SIPA1L3: variants seen among roughly 807,000 people sequenced by gnomAD.
The protein encoded by SIPA1L3 is signal-induced proliferation-associated 1-like protein 3.
In SIPA1L3, 59 loss-of-function variants were observed where a neutral mutation model predicts 150.1. The observed-to-expected ratio is 0.39, with a 90% confidence interval of 0.32 to 0.49. The LOEUF (loss-of-function observed/expected upper bound fraction) is 0.49, where lower values mean the gene tolerates loss of function less well. Among genes scored for constraint, SIPA1L3 ranks in the 20% least tolerant of loss-of-function variants. The pLI is 0.86. For missense variants in SIPA1L3, 2,211 were observed against 2,489.5 expected (o/e 0.89, Z 2.38); for synonymous variants, 1,070 against 1,077.6 (o/e 0.99, Z 0.14).
intron 1 of SIPA1L3, among the ~76,000 whole-genome samples, chr19:38,011,629 A>G (rs1968100994): frequency 6.6e-6 from 1 of 152,232 alleles, no homozygotes; most frequent in African/African-American, 2.4e-5. Flanking sequence ...CCCCAGGGCA[A>G]GCATGAAATT....
chr19:38,036,076 G>C (rs766207551), intron 2 of SIPA1L3, among the ~76,000 whole-genome samples: 2 of 152,190 alleles, frequency 1.3e-5, no homozygotes, highest in Non-Finnish European at 2.9e-5. Context: ...CTGGCCTCCT[G>C]GTCCCCTTTC....
At chr19:38,071,301 T>G (rs1969719144) in intron 2 of SIPA1L3, among the ~76,000 whole-genome samples, 1 of 152,090 alleles carries the variant, frequency 6.6e-6, no homozygotes, top group Non-Finnish European at 1.5e-5. Flanking sequence ...TACCTATCTA[T>G]GTAGTGACAG....
At chr19:38,151,858 G>C (rs540012130) in intron 12 of SIPA1L3, among the ~76,000 whole-genome samples, 1 of 151,502 alleles carries the variant, frequency 6.6e-6, no homozygotes, top group Non-Finnish European at 1.5e-5. Flanking sequence ...AGCTACTCAG[G>C]AGGCTGAAGT....
intron 1 of SIPA1L3, among the ~76,000 whole-genome samples, chr19:37,974,165 G>T (rs1599857360): frequency 6.6e-6 from 1 of 152,130 alleles, no homozygotes; most frequent in Admixed American, 6.5e-5. Context: ...TATGAGATGG[G>T]TCCTGCCATA....
intron 15 of SIPA1L3, among the ~76,000 whole-genome samples, chr19:38,175,614 G>A (rs953492228): frequency 2.6e-5 from 4 of 152,168 alleles, no homozygotes; most frequent in African/African-American, 9.7e-5. Context: ...TGAGCCCAGA[G>A]CCCAGGGACC....
intron 13 of SIPA1L3, among the ~76,000 whole-genome samples, chr19:38,160,475 C>T (rs1443385220): frequency 2.0e-5 from 3 of 151,418 alleles, no homozygotes; most frequent in Admixed American, 2.0e-4. Flanking sequence ...GATCTCGGCT[C>T]ACTGCAGCCT....
intron 2 of SIPA1L3, among the ~76,000 whole-genome samples, chr19:38,039,500 C>T (rs1012484927): frequency 9.9e-5 from 15 of 151,772 alleles, no homozygotes; most frequent in Non-Finnish European, 1.9e-4. Context: ...TCGAGACCAG[C>T]CTGGCCAGCA....
chr19:38,127,293 A>G (rs1187555844), intron 9 of SIPA1L3, among the ~76,000 whole-genome samples: 1 of 152,208 alleles, frequency 6.6e-6, no homozygotes, highest in Admixed American at 6.5e-5. Context: ...AATTATTTTG[A>G]AGAAATCCTA....
chr19:38,153,593 C>G (rs1456323758), intron 13 of SIPA1L3, among the ~76,000 whole-genome samples: 1 of 151,392 alleles, frequency 6.6e-6, no homozygotes, highest in African/African-American at 2.4e-5. Context: ...TCACTTGAAC[C>G]TGGGAGGCAG....
intron 1 of SIPA1L3, among the ~76,000 whole-genome samples, chr19:37,909,365 A>G (rs547967327): frequency 5.7e-4 from 84 of 148,534 alleles, no homozygotes; most frequent in Non-Finnish European, 1.0e-3. Context: ...CCGCCACCAC[A>G]CGTGGTTAGT....
intron 2 of SIPA1L3, among the ~76,000 whole-genome samples, chr19:38,035,767 A>G (rs1470802292): frequency 6.6e-6 from 1 of 151,958 alleles, no homozygotes; most frequent in Non-Finnish European, 1.5e-5. Flanking sequence ...GGAGGTGGTG[A>G]TGATGATAAT....
intron 4 of SIPA1L3, among the ~76,000 whole-genome samples, chr19:38,096,406 T>C (rs1359457996): frequency 6.6e-6 from 1 of 152,112 alleles, no homozygotes; most frequent in Non-Finnish European, 1.5e-5. Flanking sequence ...TGAGCCATCA[T>C]GCCTGGCTAA....
At position 38,186,602 on chromosome 19, in the gene SIPA1L3, C is replaced by A. The variant is rs918856064; in HGVS notation, c.4430+3862C>A. Among the ~76,000 whole-genome samples, 5 of 151,674 alleles carry A rather than the reference C, an allele frequency of 3.3e-5. No homozygotes were observed. In the East Asian group the frequency reaches 5.9e-4, roughly 18 times the overall value. ...CTCTTGACCTCAGGCAATCCGCCCCCCCTTGGCCTCCCAAAGTGCTGGGAT... is the reference window on the plus strand; with the variant it reads ...CTCTTGACCTCAGGCAATCCGCCCCACCTTGGCCTCCCAAAGTGCTGGGAT... On this transcript the variant is annotated intron_variant, in intron 16 of 21. Transcript: ENST00000222345.
At chr19:37,976,842 A>G (rs959010892) in intron 1 of SIPA1L3, among the ~76,000 whole-genome samples, 3 of 152,050 alleles carry the variant, frequency 2.0e-5, no homozygotes, top group African/African-American at 7.2e-5. Context: ...TACTATTAGT[A>G]TTATTTTTTT....
intron 2 of SIPA1L3, among the ~76,000 whole-genome samples, chr19:38,062,192 G>A (rs1360122744): frequency 6.6e-6 from 1 of 152,102 alleles, no homozygotes; most frequent in Non-Finnish European, 1.5e-5. Flanking sequence ...TTTGATCCTA[G>A]GCAATCTGGC....
rs867751979 is a variant in SIPA1L3 at position 38,206,561 on chromosome 19, C to T, written c.*321C>T. 5.4e-5 allele frequency: 13 copies of T among 241,708 alleles called. No homozygotes were observed. Among genetic ancestry groups the T allele is most frequent in the African/African-American group, 2.2e-5 (1 of 44,588 alleles). 15.0% of individuals were successfully genotyped at this position (241,708 alleles called of 1,614,324 possible). A position where few individuals can be genotyped will look rare whatever the true frequency, so the allele number is the denominator to read the frequency against. Reference sequence around the variant, plus strand: ...TAGCCTCTTCCTGGGACCAGCCCTTCGAAGCTGATGGGGACGGAGAGAGGA... The same window carrying T: ...TAGCCTCTTCCTGGGACCAGCCCTTTGAAGCTGATGGGGACGGAGAGAGGA... On this transcript the variant is annotated 3_prime_UTR_variant, in exon 22 of 22. Coordinates refer to ENST00000222345, the MANE Select transcript of SIPA1L3 (RefSeq NM_015073.3).
chr19:38,142,258 AG>A (rs1222873986), intron 11 of SIPA1L3, among the ~76,000 whole-genome samples: 2 of 152,232 alleles, frequency 1.3e-5, no homozygotes, highest in Non-Finnish European at 2.9e-5. Context: ...CAACTTGCAG[AG>A]GGACATCTTG....
rs1003295275 is a variant in SIPA1L3, at chr19:38,164,051, G to A, written c.3781-428G>A. ...GGTCCCGGATCTGTGTTGAGGACGCGGGCAGCAGGGTTTGCTAGTGGGCTG... is the reference window on the plus strand; with the variant it reads ...GGTCCCGGATCTGTGTTGAGGACGCAGGCAGCAGGGTTTGCTAGTGGGCTG... On this transcript the variant is annotated intron_variant, in intron 14 of 21. Coordinates refer to ENST00000222345, the MANE Select transcript of SIPA1L3 (RefSeq NM_015073.3). This position sits in a 1 kb window ranked among gnomAD's most constrained non-coding sequence, Gnocchi z 4.1. Among the ~76,000 whole-genome samples the A allele has an allele frequency of 6.6e-6, 1 of 152,154 alleles. No homozygotes were observed. The highest frequency in any genetic ancestry group is 2.4e-5 in the African/African-American group (1 of 41,440).
chr19:38,173,746 CAG>C (rs1348515896), intron 15 of SIPA1L3: 1 of 152,306 alleles, frequency 6.6e-6, no homozygotes, highest in Non-Finnish European at 1.5e-5. Context: ...TCACCTGAGA[CAG>C]AGACCTCCTC....
Sources: gnomAD v4.1 joint callset for allele counts (sites outside exome capture counted in the v4.1 genomes callset) on GRCh38, gnomAD v4.1.1 for gene constraint, Gnocchi (gnomAD v3.1) non-coding constraint, MANE v1.5 for transcripts, NCBI Gene and HGNC (gene_info 2026-07-23, HGNC 2026-07-21) for gene names.